Variants in SUGCT observed in about 807,000 individuals in gnomAD.
The protein encoded by SUGCT is succinyl-CoA:glutarate-CoA transferase.
In SUGCT, 41 loss-of-function variants were observed where a neutral mutation model predicts 55.0. That is an observed-to-expected ratio of 0.74 (90% CI 0.58 to 0.97). The LOEUF (loss-of-function observed/expected upper bound fraction) is 0.97, where lower values mean the gene tolerates loss of function less well. Ranked by LOEUF, SUGCT falls within the 50% of genes least tolerant of loss-of-function variation. The pLI is 0.00. For missense variants in SUGCT, 568 were observed against 547.8 expected (o/e 1.04, Z -0.37); for synonymous variants, 187 against 200.4 (o/e 0.93, Z 0.56).
chr7:40,684,017 A>G, intron 12 of SUGCT: 7 of 1,610,706 alleles, frequency 4.3e-6, no homozygotes, highest in Non-Finnish European at 5.9e-6. Flanking sequence ...TTGTGGTTGT[A>G]TGACTGAGGT....
chr7:40,327,348 G>A (rs938007831), intron 9 of SUGCT, among the ~76,000 whole-genome samples: 4 of 152,202 alleles, frequency 2.6e-5, no homozygotes, highest in African/African-American at 9.7e-5. Context: ...TCCAGGAGCA[G>A]GTAAAATTAA....
intron 8 of SUGCT, among the ~76,000 whole-genome samples, chr7:40,297,061 C>A (rs1794202086): frequency 6.6e-6 from 1 of 152,122 alleles, no homozygotes; most frequent in South Asian, 2.1e-4. Flanking sequence ...TATGGCAGTG[C>A]CCATTACATA....
chr7:40,570,970 C>T (rs1298141341), intron 12 of SUGCT, among the ~76,000 whole-genome samples: 1 of 148,764 alleles, frequency 6.7e-6, no homozygotes, highest in Non-Finnish European at 1.5e-5. Flanking sequence ...AGCGATTCTC[C>T]TGCCTCAGCC....
intron 12 of SUGCT, among the ~76,000 whole-genome samples, chr7:40,547,429 G>A (rs1795049614): frequency 2.0e-5 from 3 of 152,158 alleles, no homozygotes; most frequent in South Asian, 2.1e-4. Flanking sequence ...ACTTATAATG[G>A]CTATGTCTTT....
At chr7:40,256,877 G>A (rs1473253011) in intron 7 of SUGCT, among the ~76,000 whole-genome samples, 3 of 151,812 alleles carry the variant, frequency 2.0e-5, no homozygotes, top group Admixed American at 6.6e-5. Context: ...CTGAGTAGCC[G>A]GGACTACAGG....
At chr7:40,253,972 G>C (rs1478845707) in intron 7 of SUGCT, among the ~76,000 whole-genome samples, 1 of 152,214 alleles carries the variant, frequency 6.6e-6, no homozygotes. Context: ...AGTTCAACTA[G>C]AACTGGATTT....
intron 11 of SUGCT, among the ~76,000 whole-genome samples, chr7:40,465,790 A>G (rs1790073275): frequency 6.6e-6 from 1 of 152,158 alleles, no homozygotes; most frequent in Non-Finnish European, 1.5e-5. Flanking sequence ...TCAATGTAAA[A>G]AACTGACATC....
chr7:40,591,986 G>C (rs901882190), intron 12 of SUGCT, among the ~76,000 whole-genome samples: 18 of 151,622 alleles, frequency 1.2e-4, no homozygotes, highest in African/African-American at 4.1e-4. Flanking sequence ...TGCTTTTTTT[G>C]CAATGGTCTG....
chr7:40,542,393 A>G (rs1794740325), intron 12 of SUGCT, among the ~76,000 whole-genome samples: 1 of 152,134 alleles, frequency 6.6e-6, no homozygotes, highest in African/African-American at 2.4e-5. Context: ...GGGATACCTC[A>G]CACTTTTGAA....
intron 12 of SUGCT, among the ~76,000 whole-genome samples, chr7:40,545,094 A>C (rs1794920094): frequency 6.6e-6 from 1 of 152,320 alleles, no homozygotes; most frequent in African/African-American, 2.4e-5. Flanking sequence ...TGGTGGAAAA[A>C]TAGCCTGAAA....
chr7:40,883,643 C>A, the SUGCT span, among the ~76,000 whole-genome samples: 2 of 152,278 alleles, frequency 1.3e-5, no homozygotes, highest in South Asian at 4.2e-4. Flanking sequence ...ATGTTGGCTG[C>A]TATAATTGTT....
At chr7:40,758,254 G>A (rs1032920817) in intron 13 of SUGCT, among the ~76,000 whole-genome samples, 4 of 151,978 alleles carry the variant, frequency 2.6e-5, no homozygotes, top group African/African-American at 4.8e-5. Flanking sequence ...GGTGCATGAA[G>A]AGATAAATTG....
chr7:40,983,179 G>A, the SUGCT span, among the ~76,000 whole-genome samples: 1 of 152,144 alleles, frequency 6.6e-6, no homozygotes, highest in Non-Finnish European at 1.5e-5. Context: ...TGTTCCTCAA[G>A]TTGTAGATCA....
chr7:40,646,771 T>G (rs940754676), intron 12 of SUGCT, among the ~76,000 whole-genome samples: 1 of 152,232 alleles, frequency 6.6e-6, no homozygotes, highest in African/African-American at 2.4e-5. Flanking sequence ...ATATCATTTT[T>G]CTTTTTGGTG....
chr7:40,346,623 A>T (rs1432370765), intron 9 of SUGCT, among the ~76,000 whole-genome samples: 1 of 152,216 alleles, frequency 6.6e-6, no homozygotes, highest in Non-Finnish European at 1.5e-5. Flanking sequence ...ACATAAATAT[A>T]TGTTTGCAGA....
At chr7:40,360,123 C>T (rs1285242293) in intron 9 of SUGCT, among the ~76,000 whole-genome samples, 1 of 152,150 alleles carries the variant, frequency 6.6e-6, no homozygotes, top group Non-Finnish European at 1.5e-5. Flanking sequence ...AAGTGATTCT[C>T]CTGCCTCAGC....
At chr7:40,399,027 T>C (rs2151317649) in intron 9 of SUGCT, among the ~76,000 whole-genome samples, 1 of 152,308 alleles carries the variant, frequency 6.6e-6, no homozygotes, top group South Asian at 2.1e-4. Flanking sequence ...TCACTGCCAC[T>C]GCAATGTGGA....
intron 12 of SUGCT, among the ~76,000 whole-genome samples, chr7:40,527,719 A>G (rs1237558759): frequency 6.6e-6 from 1 of 152,218 alleles, no homozygotes; most frequent in Non-Finnish European, 1.5e-5. Context: ...ACAAATAAAC[A>G]GTGTGTTCAA....
At chr7:40,510,664 A>G (rs199606394) in intron 12 of SUGCT, among the ~76,000 whole-genome samples, 1 of 152,210 alleles carries the variant, frequency 6.6e-6, no homozygotes, top group Non-Finnish European at 1.5e-5. Context: ...AGCGTTTTCA[A>G]CAGCCACTTT....
Sources: allele counts gnomAD v4.1 joint callset (sites outside exome capture counted in the v4.1 genomes callset), GRCh38; gene constraint gnomAD v4.1.1; transcripts MANE v1.5; gene names NCBI Gene and HGNC (gene_info 2026-07-23, HGNC 2026-07-21).